CTNNA3: variants seen among roughly 807,000 people sequenced by gnomAD.
The protein encoded by CTNNA3 is catenin alpha-3.
A neutral mutation model predicts 95.7 loss-of-function variants in CTNNA3; 76 were observed. The ratio of observed to expected loss-of-function variants is 0.79; its 90% CI spans 0.66 to 0.96. The LOEUF (loss-of-function observed/expected upper bound fraction) is 0.96, where lower values mean the gene tolerates loss of function less well. Ranked by LOEUF, CTNNA3 falls within the 40% of genes least tolerant of loss-of-function variation. The pLI, the probability that CTNNA3 is intolerant of heterozygous loss-of-function variation, is 0.00. For missense variants in CTNNA3, 1,191 were observed against 1,089.8 expected, an observed-to-expected ratio of 1.09 and a Z score of -1.31; for synonymous variants, 431 against 374.4, an observed-to-expected ratio of 1.15 and a Z score of -1.74.
chr10:66,527,416 G>T (rs1841307443), intron 10 of CTNNA3, among the ~76,000 whole-genome samples: 1 of 152,110 alleles, frequency 6.6e-6, no homozygotes, highest in Admixed American at 6.6e-5. Context: ...ATATGAAATT[G>T]AGGATGTGTT....
At chr10:66,306,039 A>G (rs530168522) in intron 12 of CTNNA3, among the ~76,000 whole-genome samples, 6 of 152,326 alleles carry the variant, frequency 3.9e-5, no homozygotes, top group Non-Finnish European at 8.8e-5. Context: ...TTACTACACA[A>G]AGATTATCAC....
intron 7 of CTNNA3, among the ~76,000 whole-genome samples, chr10:67,096,080 T>G (rs1411371268): frequency 1.3e-5 from 2 of 151,694 alleles, no homozygotes; most frequent in Non-Finnish European, 2.9e-5. Context: ...ATAGGAAGAG[T>G]TACTCTGGAA....
In CTNNA3 at chr10:66,218,411, CTCTG is replaced by C. The variant is rs774852281; in HGVS notation, c.1884+62055_1884+62058del. On this transcript the variant is annotated intron_variant, in intron 13 of 17. Transcript: ENST00000433211. ...GTTTCATCTCTCTCTCTCTCTTTCT[CTCTG>C]TCTGTCTCTCTTCATATGGCCTGAA... 9.1e-4 allele frequency among the ~76,000 whole-genome samples: 139 copies of C among 152,226 alleles called. 1 individual carries two copies. The highest frequency in any genetic ancestry group is 2.8e-3 in the African/African-American group (118 of 41,550).
At chr10:66,051,352 A>T (rs73308187) in intron 15 of CTNNA3, among the ~76,000 whole-genome samples, 2 of 152,192 alleles carry the variant, frequency 1.3e-5, no homozygotes, top group Non-Finnish European at 2.9e-5. Context: ...GAATGAACAA[A>T]TAAGTGAATG....
intron 15 of CTNNA3, among the ~76,000 whole-genome samples, chr10:66,035,569 A>T (rs1038374119): frequency 2.6e-5 from 4 of 151,424 alleles, no homozygotes; most frequent in Admixed American, 2.0e-4. Flanking sequence ...TTTATAATAA[A>T]TGTATTATAT....
intron 7 of CTNNA3, among the ~76,000 whole-genome samples, chr10:67,077,429 T>TTTGCCCCACTCCCC (rs1218259322): frequency 6.6e-6 from 1 of 152,146 alleles, no homozygotes; most frequent in Non-Finnish European, 1.5e-5. Flanking sequence ...ACCCAGTCCC[T>TTTGCCCCACTCCCC]TTGCCCCACT....
At chr10:67,115,501 AT>A (rs1483663621) in intron 7 of CTNNA3, among the ~76,000 whole-genome samples, 4 of 151,540 alleles carry the variant, frequency 2.6e-5, no homozygotes, top group African/African-American at 4.8e-5. Flanking sequence ...TAATAAAAAA[AT>A]AAAATAAAAT....
intron 15 of CTNNA3, among the ~76,000 whole-genome samples, chr10:66,051,009 A>G (rs1258834498): frequency 6.6e-6 from 1 of 152,078 alleles, no homozygotes; most frequent in Non-Finnish European, 1.5e-5. Flanking sequence ...GTGGGCTACC[A>G]TGCCCAGCTA....
At chr10:67,369,063 G>A (rs762609431) in intron 5 of CTNNA3, among the ~76,000 whole-genome samples, 2 of 152,068 alleles carry the variant, frequency 1.3e-5, no homozygotes, top group African/African-American at 2.4e-5. Flanking sequence ...AAAGCTAGAA[G>A]GTAGCCTGGG....
chr10:66,467,955 T>C (rs893512737), intron 11 of CTNNA3, among the ~76,000 whole-genome samples: 7 of 152,144 alleles, frequency 4.6e-5, no homozygotes, highest in Middle Eastern at 6.8e-3. Context: ...GAAAATTTAA[T>C]AGTAGTAGGA....
intron 3 of CTNNA3, among the ~76,000 whole-genome samples, chr10:67,593,154 C>A (rs1043945949): frequency 1.6e-4 from 25 of 152,210 alleles, no homozygotes; most frequent in Non-Finnish European, 3.4e-4. Flanking sequence ...TGACTTCATT[C>A]TTTTTTATGG....
intron 1 of CTNNA3, among the ~76,000 whole-genome samples, chr10:67,702,522 G>A (rs1841047533): frequency 6.6e-6 from 1 of 152,188 alleles, no homozygotes; most frequent in African/African-American, 2.4e-5. Flanking sequence ...GCTCCTGAAT[G>A]ACTACTGGGT....
intron 17 of CTNNA3, among the ~76,000 whole-genome samples, chr10:65,959,307 T>C (rs2077794268): frequency 6.6e-6 from 1 of 152,164 alleles, no homozygotes; most frequent in African/African-American, 2.4e-5. Context: ...TTCCCTTGGC[T>C]AGGAAAGGGA....
At chr10:67,458,013 T>C (rs1198537405) in intron 5 of CTNNA3, among the ~76,000 whole-genome samples, 1 of 152,046 alleles carries the variant, frequency 6.6e-6, no homozygotes, top group East Asian at 1.9e-4. Flanking sequence ...ATCTTGGGGG[T>C]TGGGGGGTCT....
rs556664765 is a variant in CTNNA3 at position 67,144,200 on chromosome 10, T to C, written c.1047+36117A>G. Among the ~76,000 whole-genome samples the C allele has an allele frequency of 3.3e-5, 5 of 152,314 alleles. No homozygotes were observed. The East Asian group carries it at 9.6e-4, about 29-fold the overall frequency. On this transcript the variant is annotated intron_variant, in intron 7 of 17. Transcript: ENST00000433211. ...GCAGGTTTCAACGTTGGGTTTAAAA[T>C]ATTTAGTACAACATGCAGTAAACAG...
intron 10 of CTNNA3, among the ~76,000 whole-genome samples, chr10:66,591,348 T>C (rs2132229457): frequency 6.6e-6 from 1 of 152,250 alleles, no homozygotes; most frequent in South Asian, 2.1e-4. Flanking sequence ...GCACATGGAA[T>C]AAAGAGCAAT....
chr10:66,369,166 T>A (rs936274765), intron 12 of CTNNA3, among the ~76,000 whole-genome samples: 3 of 152,142 alleles, frequency 2.0e-5, no homozygotes, highest in Non-Finnish European at 4.4e-5. Context: ...TGCTGTGTAG[T>A]ATTATTAAGC....
intron 14 of CTNNA3, among the ~76,000 whole-genome samples, chr10:66,091,602 C>T (rs972521451): frequency 2.0e-5 from 3 of 151,216 alleles, no homozygotes; most frequent in Non-Finnish European, 4.4e-5. Flanking sequence ...AACAAACAAG[C>T]AAATATGTAA....
chr10:67,263,810 G>A (rs1866710467), intron 5 of CTNNA3, among the ~76,000 whole-genome samples: 1 of 152,142 alleles, frequency 6.6e-6, no homozygotes, highest in African/African-American at 2.4e-5. Flanking sequence ...TGGTGAAGAA[G>A]TAGCAAATCA....
Sources: allele counts gnomAD v4.1 joint callset (sites outside exome capture counted in the v4.1 genomes callset), GRCh38; gene constraint gnomAD v4.1.1; transcripts MANE v1.5; gene names NCBI Gene and HGNC (gene_info 2026-07-23, HGNC 2026-07-21).